The following NPSR1 variants were observed in gnomAD, a reference collection of about 807,000 sequenced individuals.
NPSR1 encodes neuropeptide S receptor 1.
NPSR1 carries 48 observed loss-of-function variants against 46.9 expected under a neutral mutation model. That is an observed-to-expected ratio of 1.02 (90% CI 0.81 to 1.30). The LOEUF is 1.30. Among genes scored for constraint, NPSR1 ranks in the 50% most tolerant of loss-of-function variants. The pLI, the probability that NPSR1 is intolerant of heterozygous loss-of-function variation, is 0.00. For missense variants in NPSR1, 450 were observed against 449.5 expected, an observed-to-expected ratio of 1.00 and a Z score of -0.01; for synonymous variants, 176 against 168.1, an observed-to-expected ratio of 1.05 and a Z score of -0.36.
At chr7:34,762,342 C>A (rs993368887) in intron 2 of NPSR1, among the ~76,000 whole-genome samples, 4 of 152,144 alleles carry the variant, frequency 2.6e-5, no homozygotes, top group Non-Finnish European at 5.9e-5. Flanking sequence ...GCTGGTACTT[C>A]ATCTTGGCGA....
In NPSR1 at chr7:34,768,768, C is replaced by A. The variant is rs548708985; in HGVS notation, c.281-9694C>A. Among the ~76,000 whole-genome samples the A allele has an allele frequency of 2.4e-4, 37 of 152,248 alleles. No individual in the cohort carries two copies. The South Asian group carries it at 7.1e-3, about 29-fold the overall frequency. On this transcript the variant is annotated intron_variant, in intron 2 of 8. Transcript: ENST00000360581. ...AACTGCGGAAGTTCAAGAAAGAAAT[C>A]ATCAGTACCTAGAGTATGCCAAATA...
intron 3 of NPSR1, among the ~76,000 whole-genome samples, chr7:34,780,359 A>C (rs1787176146): frequency 6.6e-6 from 1 of 152,180 alleles, no homozygotes; most frequent in South Asian, 2.1e-4. Context: ...TGATTTAGAA[A>C]TATTCATGTC....
At chr7:34,743,832 TTTG>T (rs767950299) in intron 2 of NPSR1, among the ~76,000 whole-genome samples, 7 of 152,202 alleles carry the variant, frequency 4.6e-5, no homozygotes, top group Admixed American at 6.5e-5. Flanking sequence ...TAGTTATATT[TTTG>T]TTATCATTTT....
At chr7:34,733,255 A>G (rs1280901423) in intron 2 of NPSR1, among the ~76,000 whole-genome samples, 1 of 152,072 alleles carries the variant, frequency 6.6e-6, no homozygotes, top group Non-Finnish European at 1.5e-5. Flanking sequence ...CCCCATCTCT[A>G]CTAAAAATAC....
intron 1 of NPSR1, among the ~76,000 whole-genome samples, chr7:34,660,578 A>T (rs927668797): frequency 6.6e-6 from 1 of 152,216 alleles, no homozygotes; most frequent in African/African-American, 2.4e-5. Flanking sequence ...CAGTAAAAAA[A>T]ATAGCATGAA....
At chr7:34,871,635 C>G (rs1791454338) in intron 8 of NPSR1, 1 of 151,864 alleles carries the variant, frequency 6.6e-6, no homozygotes, top group Non-Finnish European at 1.5e-5. Context: ...GTGGCACAAG[C>G]ATTGGGTAAA....
chr7:34,761,530 T>C (rs1473655683), intron 2 of NPSR1, among the ~76,000 whole-genome samples: 2 of 152,158 alleles, frequency 1.3e-5, no homozygotes, highest in Admixed American at 6.5e-5. Context: ...GTGTACCTGA[T>C]TGCAGCAGAA....
At chr7:34,672,918 C>T (rs1407993790) in intron 1 of NPSR1, among the ~76,000 whole-genome samples, 3 of 152,158 alleles carry the variant, frequency 2.0e-5, no homozygotes, top group Non-Finnish European at 4.4e-5. Flanking sequence ...GCTTTCAGAC[C>T]GAGCTCCAGC....
At chr7:34,664,651 AAGATAT>A (rs1031384675) in intron 1 of NPSR1, among the ~76,000 whole-genome samples, 1 of 151,954 alleles carries the variant, frequency 6.6e-6, no homozygotes, top group African/African-American at 2.4e-5. Flanking sequence ...AATGTAGAAT[AAGATAT>A]AGATATAGAG....
At chr7:34,840,301 G>C (rs1001367913) in intron 6 of NPSR1, among the ~76,000 whole-genome samples, 1 of 152,112 alleles carries the variant, frequency 6.6e-6, no homozygotes, top group Non-Finnish European at 1.5e-5. Context: ...GGCACAACGA[G>C]TGCCTTAAGG....
intron 8 of NPSR1, among the ~76,000 whole-genome samples, chr7:34,870,679 AT>A (rs975504492): frequency 6.6e-6 from 1 of 151,810 alleles, no homozygotes; most frequent in Non-Finnish European, 1.5e-5. Context: ...CCTAGACTGA[AT>A]TTGCTCAGAA....
At chr7:34,696,251 G>A (rs1222757671) in intron 2 of NPSR1, among the ~76,000 whole-genome samples, 2 of 151,986 alleles carry the variant, frequency 1.3e-5, no homozygotes, top group Non-Finnish European at 2.9e-5. Context: ...TCATAAGGGG[G>A]AGCTAAATAT....
intron 8 of NPSR1, among the ~76,000 whole-genome samples, chr7:34,858,904 CTAAAGCAAAGCAGGAAATCACT>C (rs1455664726): frequency 2.0e-5 from 3 of 151,654 alleles, no homozygotes; most frequent in Non-Finnish European, 2.9e-5. Context: ...TGACAAAACT[CTAAAGCAAAGCAGGAAATCACT>C]TTTTATAAGA....
chr7:34,780,544 A>G (rs1787184401), intron 3 of NPSR1, among the ~76,000 whole-genome samples: 1 of 152,198 alleles, frequency 6.6e-6, no homozygotes, highest in Non-Finnish European at 1.5e-5. Flanking sequence ...CTGGAAATTA[A>G]CCAAACACTT....
intron 2 of NPSR1, among the ~76,000 whole-genome samples, chr7:34,706,866 A>G (rs115606920): frequency 0.021 from 3,175 of 152,288 alleles, 45 homozygotes; most frequent in Non-Finnish European, 0.033. Flanking sequence ...TTAATTGGCT[A>G]ACATCTGAAT....
chr7:34,809,772 A>AACCCTCCTCCCACCCTAC (rs1297889405), intron 3 of NPSR1, among the ~76,000 whole-genome samples: 2 of 151,918 alleles, frequency 1.3e-5, no homozygotes, highest in Non-Finnish European at 2.9e-5. Context: ...TCCTGATCCT[A>AACCCTCCTCCCACCCTAC]ACCCTCCTCC....
intron 1 of NPSR1, among the ~76,000 whole-genome samples, chr7:34,669,600 T>C (rs1016592731): frequency 6.6e-6 from 1 of 151,678 alleles, no homozygotes; most frequent in African/African-American, 2.4e-5. Flanking sequence ...GAAAAGAAAC[T>C]TGTTTAATTC....
At chr7:34,664,355 G>C (rs961915830) in intron 1 of NPSR1, among the ~76,000 whole-genome samples, 1 of 147,440 alleles carries the variant, frequency 6.8e-6, no homozygotes. Flanking sequence ...AGTTAAGTGA[G>C]AGAATGCTTG....
chr7:34,705,635 CAT>C (rs1158726608), intron 2 of NPSR1, among the ~76,000 whole-genome samples: 3 of 151,870 alleles, frequency 2.0e-5, no homozygotes, highest in African/African-American at 7.3e-5. Context: ...CATACACACA[CAT>C]AAGTCTTTTC....
Sources: allele counts gnomAD v4.1 joint callset (sites outside exome capture counted in the v4.1 genomes callset), GRCh38; gene constraint gnomAD v4.1.1; transcripts MANE v1.5; gene names NCBI Gene and HGNC (gene_info 2026-07-23, HGNC 2026-07-21).